TRIM2: variants seen among roughly 807,000 people sequenced by gnomAD.
The protein encoded by TRIM2 is tripartite motif containing 2.
In TRIM2, 20 loss-of-function variants were observed where a neutral mutation model predicts 75.2. That is an observed-to-expected ratio of 0.27 (90% CI 0.19 to 0.39). The LOEUF is 0.39. TRIM2 is among the 10% of genes least tolerant of loss of function. The pLI is 1.00. For missense variants in TRIM2, 660 were observed against 990.8 expected (o/e 0.67, Z 4.48); for synonymous variants, 373 against 388.3 (o/e 0.96, Z 0.46).
intron 1 of TRIM2, among the ~76,000 whole-genome samples, chr4:153,184,798 G>T (rs1732425459): frequency 6.6e-6 from 1 of 152,180 alleles, no homozygotes; most frequent in African/African-American, 2.4e-5. Context: ...GGGTCTCTCA[G>T]ATACGAGAAA....
chr4:153,247,433 C>T (rs911868431), intron 1 of TRIM2, among the ~76,000 whole-genome samples: 5 of 152,078 alleles, frequency 3.3e-5, no homozygotes, highest in African/African-American at 9.7e-5. Context: ...CCCAGCACTT[C>T]GGGAGGCCGA....
chr4:153,238,534 A>G (rs550798838), intron 1 of TRIM2, among the ~76,000 whole-genome samples: 1 of 152,350 alleles, frequency 6.6e-6, no homozygotes, highest in East Asian at 1.9e-4. Context: ...AAGGGAAGAA[A>G]GGACTGGACT....
In TRIM2 at chr4:153,338,635, T is replaced by G. The variant is rs1772728449; in HGVS notation, c.*3669T>G. 2 of 985,610 alleles carry G rather than the reference T, an allele frequency of 2.0e-6. No individual in the cohort carries two copies. The highest frequency in any genetic ancestry group is 9.4e-5 in the South Asian group (2 of 21,282). 61.1% of individuals were successfully genotyped at this position (985,610 alleles called of 1,614,324 possible). The stretch of plus-strand genomic sequence containing the variant: ...GGTATAAATAAAGAATTATTTGTTT[T>G]GTTTTCAATGACAGTAAGCTACAAA... On this transcript the variant is annotated 3_prime_UTR_variant, in exon 12 of 12. Coordinates refer to ENST00000338700, the MANE Select transcript of TRIM2 (RefSeq NM_015271.5).
At chr4:153,322,505 G>A (rs1425056268) in intron 8 of TRIM2, 143 bp from the exon 9 acceptor site, 3 of 776,616 alleles carry the variant, frequency 3.9e-6, no homozygotes, top group Non-Finnish European at 5.7e-6. Flanking sequence ...CAAGACAGAA[G>A]TTCATTGTGA....
intron 6 of TRIM2, among the ~76,000 whole-genome samples, chr4:153,298,652 C>T (rs1189519710): frequency 6.6e-6 from 1 of 152,070 alleles, no homozygotes; most frequent in African/African-American, 2.4e-5. Context: ...CTAACATATG[C>T]ATTACCTCAC....
intron 1 of TRIM2, among the ~76,000 whole-genome samples, chr4:153,212,294 C>T (rs1208585782): frequency 6.6e-6 from 1 of 152,044 alleles, no homozygotes; most frequent in Non-Finnish European, 1.5e-5. Flanking sequence ...AAACAGAAAG[C>T]CAAAAACTGC....
intron 1 of TRIM2, among the ~76,000 whole-genome samples, chr4:153,206,268 G>T (rs527258753): frequency 1.3e-5 from 2 of 152,322 alleles, no homozygotes; most frequent in Admixed American, 6.5e-5. Context: ...CTTCTGACTA[G>T]CTGGCTATCC....
chr4:153,199,583 T>C (rs1734111937), upstream of TRIM2, among the ~76,000 whole-genome samples: 1 of 151,834 alleles, frequency 6.6e-6, no homozygotes, highest in Non-Finnish European at 1.5e-5. Context: ...TCTTAGTCAG[T>C]TATTATTATT....
At chr4:153,256,659 G>A (rs1176785026) in intron 1 of TRIM2, among the ~76,000 whole-genome samples, 1 of 152,114 alleles carries the variant, frequency 6.6e-6, no homozygotes, top group African/African-American at 2.4e-5. Context: ...TGACTTGGCA[G>A]GAAATTAAGT....
At chr4:153,188,733 G>A (rs1312235807) in intron 1 of TRIM2, among the ~76,000 whole-genome samples, 13 of 151,198 alleles carry the variant, frequency 8.6e-5, no homozygotes, top group African/African-American at 2.7e-4. Context: ...GTTTGAGACC[G>A]GCCTTTCCCT....
Position 153,248,995 on chromosome 4 carries a change from C to T in TRIM2, c.31-21340C>T, listed in dbSNP as rs1245334150. Among the ~76,000 whole-genome samples, 2 of 152,250 alleles carry T rather than the reference C, an allele frequency of 1.3e-5. No homozygotes were observed. The highest frequency in any genetic ancestry group is 4.8e-5 in the African/African-American group (2 of 41,470). Reference sequence around the variant, plus strand: ...GGCAAAGAGCTGTGGACCCCGGACACGGGAAAAGGCCACAGTCGGGAGAAC... The same window carrying T: ...GGCAAAGAGCTGTGGACCCCGGACATGGGAAAAGGCCACAGTCGGGAGAAC... On this transcript the variant is annotated intron_variant, in intron 1 of 11. Transcript: ENST00000338700. The surrounding 1 kb of genome is among the most constrained non-coding windows in gnomAD (Gnocchi z 4.0).
At chr4:153,214,677 G>A (rs1455510416) in intron 1 of TRIM2, among the ~76,000 whole-genome samples, 1 of 152,154 alleles carries the variant, frequency 6.6e-6, no homozygotes, top group African/African-American at 2.4e-5. Context: ...GACCAAGCCA[G>A]TGTTTCTTGT....
chr4:153,288,311 C>T (rs1444452659), intron 3 of TRIM2, among the ~76,000 whole-genome samples: 1 of 152,034 alleles, frequency 6.6e-6, no homozygotes, highest in Non-Finnish European at 1.5e-5. Context: ...GTGGCGCGCA[C>T]CTGTAATCCC....
At chr4:153,191,183 C>A (rs1335357814) in intron 1 of TRIM2, among the ~76,000 whole-genome samples, 1 of 152,180 alleles carries the variant, frequency 6.6e-6, no homozygotes, top group Non-Finnish European at 1.5e-5. Flanking sequence ...AGTCAAGCAG[C>A]AGGAAGGATT....
chr4:153,284,597 CTTA>C (rs1428174696), intron 3 of TRIM2, among the ~76,000 whole-genome samples: 2 of 152,190 alleles, frequency 1.3e-5, no homozygotes, highest in Admixed American at 6.5e-5. Flanking sequence ...TTTACCAACC[CTTA>C]TTATTATTTG....
At chr4:153,214,879 G>A (rs923713288) in intron 1 of TRIM2, among the ~76,000 whole-genome samples, 1 of 152,158 alleles carries the variant, frequency 6.6e-6, no homozygotes, top group African/African-American at 2.4e-5. Context: ...TAAAATTGCT[G>A]TAGTAGGTTC....
At chr4:153,155,245 A>G (rs1170843014) in intron 1 of TRIM2, among the ~76,000 whole-genome samples, 1 of 152,242 alleles carries the variant, frequency 6.6e-6, no homozygotes, top group Non-Finnish European at 1.5e-5. Flanking sequence ...TAAAAACCAG[A>G]TGATGATTAA....
At chr4:153,159,045 A>T (rs1410615193) in intron 1 of TRIM2, among the ~76,000 whole-genome samples, 4 of 152,106 alleles carry the variant, frequency 2.6e-5, no homozygotes, top group African/African-American at 4.8e-5. Flanking sequence ...GAGCCATTGC[A>T]GGTTGTTCTA....
At position 153,295,294 on chromosome 4, in the gene TRIM2, G is replaced by A. The variant is rs1287653965; in HGVS notation, c.787-19G>A. On this transcript the variant is annotated intron_variant, in intron 5 of 11. Coordinates refer to ENST00000338700, the MANE Select transcript of TRIM2 (RefSeq NM_015271.5). The surrounding 1 kb of genome is among the most constrained non-coding windows in gnomAD (Gnocchi z 7.2). ...CCGCCCTGTGGGACGAGCTCACCAG[G>A]CCTCCGGTTTTCCCGCAGGTCCTCC... The A allele has an allele frequency of 1.9e-6, 3 of 1,561,108 alleles. No individual in the cohort carries two copies. The African/African-American group carries it at 4.1e-5, about 21-fold the overall frequency.
Sources: allele counts gnomAD v4.1 joint callset (sites outside exome capture counted in the v4.1 genomes callset), GRCh38; gene constraint gnomAD v4.1.1; non-coding constraint Gnocchi (gnomAD v3.1); transcripts MANE v1.5; gene names NCBI Gene and HGNC (gene_info 2026-07-23, HGNC 2026-07-21).